Variants in SCN10A observed in about 807,000 individuals in gnomAD.
SCN10A encodes sodium voltage-gated channel alpha subunit 10, also known as sodium channel protein type 10 subunit alpha.
Under a neutral mutation model 170.7 loss-of-function variants are expected in SCN10A, and 162 were observed. The observed-to-expected ratio is 0.95, with a 90% confidence interval of 0.84 to 1.08. The LOEUF is 1.08. SCN10A is among the 50% of genes least tolerant of loss of function. The pLI is 0.00. For missense variants in SCN10A, 2,527 were observed against 2,436.9 expected (o/e 1.04, Z -0.78); for synonymous variants, 985 against 904.6 (o/e 1.09, Z -1.59).
chr3:38,810,930 T>C (rs541522637), intron 1 of SCN10A, among the ~76,000 whole-genome samples: 1 of 152,366 alleles, frequency 6.6e-6, no homozygotes, highest in African/African-American at 2.4e-5. Flanking sequence ...TCAATTTTTT[T>C]CTACACATTT....
At position 38,698,171 on chromosome 3, in the gene SCN10A, G is replaced by A. The variant is rs761505273; in HGVS notation, c.5049C>T (p.Pro1683=). 6.2e-7 allele frequency: 1 copy of A among 1,614,132 alleles called. No homozygotes were observed. Among genetic ancestry groups the A allele is most frequent in the South Asian group, 1.1e-5 (1 of 91,074 alleles). Residue 1683 remains proline (P), a synonymous_variant, in exon 28 of 28, where the codon CCC becomes CCT. Coordinates refer to ENST00000449082, the MANE Select transcript of SCN10A (RefSeq NM_006514.4). The part of the protein sequence containing the change: ...TGPPYCDPNL[P]NSNGTRGDCG... The stretch of plus-strand genomic sequence containing the variant: ...AGTCCCCTCTGGTGCCATTGCTGTT[G>A]GGCAGATTGGGGTCACAGTAGGGGG...
intron 1 of SCN10A, among the ~76,000 whole-genome samples, chr3:38,811,491 A>T (rs1251140267): frequency 6.6e-6 from 1 of 152,124 alleles, no homozygotes; most frequent in Non-Finnish European, 1.5e-5. Context: ...AGTCATGAAA[A>T]TTAAATTAAA....
intron 4 of SCN10A, among the ~76,000 whole-genome samples, chr3:38,780,568 T>G (rs2064127655): frequency 1.3e-5 from 2 of 152,144 alleles, no homozygotes; most frequent in South Asian, 4.1e-4. Context: ...TTTGCATTGT[T>G]GAAATTTGCC....
chr3:38,752,596 C>A lies in SCN10A; in HGVS notation c.1462-84G>T, dbSNP rs185089440. ...GCCCAACACTTCCCTCTACCTACTC[C>A]CATTTCCCTGCCCCTGTCTTTATGA... On this transcript the variant is annotated intron_variant, in intron 11 of 27. Transcript: ENST00000449082. 61 of 1,137,096 alleles carry A rather than the reference C, an allele frequency of 5.4e-5. No homozygotes were observed. The East Asian group carries it at 6.6e-4, about 12-fold the overall frequency. 70.4% of individuals were successfully genotyped at this position (1,137,096 alleles called of 1,614,324 possible).
intron 26 of SCN10A, among the ~76,000 whole-genome samples, chr3:38,703,412 T>A (rs912094526): frequency 6.6e-6 from 1 of 152,224 alleles, no homozygotes; most frequent in Non-Finnish European, 1.5e-5. Flanking sequence ...CCATCTTAGA[T>A]CTCTTCCCAC....
At chr3:38,744,001 T>TCTTGAACAGATATCAGC (rs760962529) in intron 13 of SCN10A, among the ~76,000 whole-genome samples, 101 of 152,354 alleles carry the variant, frequency 6.6e-4, no homozygotes, top group Non-Finnish European at 1.3e-3. Flanking sequence ...AAGACATGCA[T>TCTTGAACAGATATCAGC]CTTGAACAGA....
At chr3:38,746,061 G>GTATATATA (rs2063683052) in intron 13 of SCN10A, among the ~76,000 whole-genome samples, 1 of 29,728 alleles carries the variant, frequency 3.4e-5, no homozygotes, top group Non-Finnish European at 8.5e-5. Context: ...GTGTGTGTAT[G>GTATATATA]TGTATATATA....
chr3:38,734,989 T>C (rs192814896), intron 15 of SCN10A, among the ~76,000 whole-genome samples: 88 of 151,906 alleles, frequency 5.8e-4, no homozygotes, highest in African/African-American at 2.1e-3. Context: ...GCTAACACGG[T>C]GAAACCCCGT....
chr3:38,782,193 A>G (rs776328434), intron 4 of SCN10A, among the ~76,000 whole-genome samples: 19 of 152,126 alleles, frequency 1.2e-4, no homozygotes, highest in Admixed American at 5.9e-4. Context: ...TCTTGTTATT[A>G]TAGAAGCAGC....
At chr3:38,760,033 A>G (rs2063851649) in intron 8 of SCN10A, among the ~76,000 whole-genome samples, 1 of 152,196 alleles carries the variant, frequency 6.6e-6, no homozygotes, top group African/African-American at 2.4e-5. Context: ...CCTGGGGTAG[A>G]TTATTTATTA....
intron 4 of SCN10A, among the ~76,000 whole-genome samples, chr3:38,776,156 A>G (rs934091519): frequency 4.6e-5 from 7 of 152,042 alleles, no homozygotes; most frequent in Non-Finnish European, 1.0e-4. Flanking sequence ...AATAAAATTC[A>G]ATTATCATTA....
At chr3:38,729,908 C>T (rs1270850907) in intron 15 of SCN10A, among the ~76,000 whole-genome samples, 1 of 152,182 alleles carries the variant, frequency 6.6e-6, no homozygotes, top group East Asian at 1.9e-4. Context: ...ACAGTAAGTG[C>T]TGTATGCACC....
chr3:38,801,056 G>A (rs1044320370), intron 1 of SCN10A, among the ~76,000 whole-genome samples: 60 of 152,278 alleles, frequency 3.9e-4, no homozygotes, highest in African/African-American at 1.4e-3. Flanking sequence ...AGAGGCTGGT[G>A]TGAATAAGGG....
At chr3:38,748,399 A>C (rs2063714328) in intron 13 of SCN10A, among the ~76,000 whole-genome samples, 1 of 152,224 alleles carries the variant, frequency 6.6e-6, no homozygotes, top group Non-Finnish European at 1.5e-5. Flanking sequence ...GGTATGCAAG[A>C]AATGTAACTT....
In SCN10A at chr3:38,698,107, A is replaced by G; in HGVS notation, c.5113T>C (p.Tyr1705His). ...PAVGIIFFTT[Y>H]IIISFLIMVN... ...ATGATGAGGAAGGAGATGATGATGT[A>G]GGTGGTGAAGAAGATGATGCCTACG... Residue 1705 changes from tyrosine (Y) to histidine (H), a missense_variant, in exon 28 of 28, where the codon TAC (tyrosine) becomes CAC (histidine). Coordinates refer to ENST00000449082, the MANE Select transcript of SCN10A (RefSeq NM_006514.4). The G allele has an allele frequency of 6.2e-7, 1 of 1,614,050 alleles. No individual in the cohort carries two copies. The highest frequency in any genetic ancestry group is 8.5e-7 in the Non-Finnish European group (1 of 1,179,936).
In SCN10A at chr3:38,792,173, A is replaced by C; in HGVS notation, c.271-5T>G. On this transcript the variant is annotated splice_region_variant and splice_polypyrimidine_tract_variant and intron_variant, in intron 2 of 27. Transcript: ENST00000449082. ...TTTGTTCAGCACCATAAATGTCTGA[A>C]ACAAAACAAAACAGAAAGTGGACCT... 1 of 1,612,076 alleles carries C rather than the reference A, an allele frequency of 6.2e-7. No homozygotes were observed. The highest frequency in any genetic ancestry group is 8.5e-7 in the Non-Finnish European group (1 of 1,179,372).
intron 16 of SCN10A, 137 bp from the exon 17 acceptor site, chr3:38,727,189 G>C (rs566667607): frequency 1.3e-6 from 1 of 754,892 alleles, no homozygotes; most frequent in Non-Finnish European, 2.1e-6. Flanking sequence ...TGTCCCTTTT[G>C]GGGGAATGGA....
intron 1 of SCN10A, among the ~76,000 whole-genome samples, chr3:38,808,263 G>T (rs1223011499): frequency 6.7e-6 from 1 of 148,190 alleles, no homozygotes; most frequent in Non-Finnish European, 1.5e-5. Flanking sequence ...CTCTCTCTCA[G>T]CAATGCTTTT....
chr3:38,712,914 T>C (rs548206366), intron 22 of SCN10A, among the ~76,000 whole-genome samples: 1 of 152,346 alleles, frequency 6.6e-6, no homozygotes, highest in South Asian at 2.1e-4. Flanking sequence ...ATCTATTAGA[T>C]ACAAAATAGA....
Sources: gnomAD v4.1 joint callset for allele counts (sites outside exome capture counted in the v4.1 genomes callset) on GRCh38, gnomAD v4.1.1 for gene constraint, MANE v1.5 for transcripts, NCBI Gene and HGNC (gene_info 2026-07-23, HGNC 2026-07-21) for gene names.